The following IL34 variants were observed in gnomAD, a reference collection of about 807,000 sequenced individuals.
IL34 encodes the protein interleukin-34.
In IL34, 17 loss-of-function variants were observed where a neutral mutation model predicts 25.3. That is an observed-to-expected ratio of 0.67 (90% CI 0.46 to 1.01). IL34 has a LOEUF of 1.01. Among genes scored for constraint, IL34 ranks in the 50% least tolerant of loss-of-function variants. The pLI is 0.00. For synonymous variants in IL34, 174 were observed against 140.9 expected (o/e 1.23, Z -1.66); for missense variants, 368 against 312.9 (o/e 1.18, Z -1.33).
At chr16:70,582,971 T>C (rs1158569853) in intron 1 of IL34, among the ~76,000 whole-genome samples, 2 of 151,956 alleles carry the variant, frequency 1.3e-5, no homozygotes, top group Non-Finnish European at 2.9e-5. Context: ...GGAGAGATGT[T>C]TGGGAGACCT....
intron 1 of IL34, among the ~76,000 whole-genome samples, chr16:70,598,916 C>A (rs1325914225): frequency 6.6e-6 from 1 of 152,166 alleles, no homozygotes; most frequent in African/African-American, 2.4e-5. Context: ...GGTGCAAAAT[C>A]ACATCAGGCC....
At chr16:70,629,005 G>T (rs2051459434) in intron 1 of IL34, among the ~76,000 whole-genome samples, 1 of 152,068 alleles carries the variant, frequency 6.6e-6, no homozygotes, top group Non-Finnish European at 1.5e-5. Flanking sequence ...GCCCAGGCTG[G>T]TCTCAAACTC....
intron 1 of IL34, among the ~76,000 whole-genome samples, chr16:70,580,595 A>T (rs1037396973): frequency 6.6e-6 from 1 of 152,144 alleles, no homozygotes; most frequent in Non-Finnish European, 1.5e-5. Flanking sequence ...AGCCTGGCCA[A>T]CAAGATGAAA....
At chr16:70,638,341 T>C (rs1208245348) in intron 1 of IL34, among the ~76,000 whole-genome samples, 2 of 151,822 alleles carry the variant, frequency 1.3e-5, no homozygotes, top group Non-Finnish European at 1.5e-5. Context: ...TAGCTAGGCA[T>C]GGTGGTGCAC....
intron 1 of IL34, among the ~76,000 whole-genome samples, chr16:70,615,338 C>A (rs1431663103): frequency 6.6e-6 from 1 of 152,018 alleles, no homozygotes; most frequent in Non-Finnish European, 1.5e-5. Context: ...GAAACCCCGT[C>A]TCTACTAAAA....
chr16:70,656,679 G>A lies in IL34; in HGVS notation c.240G>A (p.Leu80=), dbSNP rs1369797779. The change falls in exon 3 of 6, where the codon CTG becomes CTA. Residue 80 remains leucine (L), a splice_region_variant and synonymous_variant. Coordinates refer to ENST00000288098, the MANE Select transcript of IL34 (RefSeq NM_001393494.1). ...GVFRIANVTR[L]QRAQVSEREL... The stretch of plus-strand genomic sequence containing the variant: ...TCAGAATCGCCAACGTCACCAGGCT[G>A]GTGAGAATCCCTTCCTGGGCTGGGG... 15 of 1,330,998 alleles carry A rather than the reference G, an allele frequency of 1.1e-5. No homozygotes were observed. Among genetic ancestry groups the A allele is most frequent in the Non-Finnish European group, 1.6e-5 (15 of 921,388 alleles). 82.4% of individuals were successfully genotyped at this position (1,330,998 alleles called of 1,614,324 possible).
chr16:70,614,559 C>T (rs1333636049), intron 1 of IL34, among the ~76,000 whole-genome samples: 1 of 152,158 alleles, frequency 6.6e-6, no homozygotes, highest in Non-Finnish European at 1.5e-5. Flanking sequence ...GAACACGGAA[C>T]CTGTTTTGTT....
At position 70,595,805 on chromosome 16, in the gene IL34, A is replaced by G. The variant is rs1485469881; in HGVS notation, c.-401+15756A>G. Among the ~76,000 whole-genome samples the G allele has an allele frequency of 3.3e-5, 5 of 152,006 alleles. 1 individual carries two copies. The East Asian group carries it at 9.7e-4, about 29-fold the overall frequency. Reference sequence around the variant, plus strand: ...GACAGATGGATTACTTGAGGTCAAGAGTTCGAGACCAGCTGGGCCAACATG... The same window carrying G: ...GACAGATGGATTACTTGAGGTCAAGGGTTCGAGACCAGCTGGGCCAACATG... On this transcript the variant is annotated intron_variant, in intron 1 of 6. Transcript: ENST00000429149.
At chr16:70,619,716 A>G (rs1202579717) in intron 1 of IL34, among the ~76,000 whole-genome samples, 2 of 152,332 alleles carry the variant, frequency 1.3e-5, no homozygotes, top group African/African-American at 4.8e-5. Flanking sequence ...GCGATCGGGC[A>G]GTGTCAGTCT....
rs1235548843 is a variant in IL34 at position 70,646,845 on chromosome 16, G to C, written c.-103G>C. ...AGGGCCAGCCCTTCCCTGACTGAGT[G>C]ACCACCTCTGCTGCCCCGAGGCCAT... On this transcript the variant is annotated 5_prime_UTR_variant, in exon 1 of 6. Coordinates refer to ENST00000288098, the MANE Select transcript of IL34 (RefSeq NM_001393494.1). 1.7e-6 allele frequency: 2 copies of C among 1,169,202 alleles called. No homozygotes were observed. Among genetic ancestry groups the C allele is most frequent in the Non-Finnish European group, 2.3e-6 (2 of 863,172 alleles). 72.4% of individuals were successfully genotyped at this position (1,169,202 alleles called of 1,614,324 possible). A position where few individuals can be genotyped will look rare whatever the true frequency, so the allele number is the denominator to read the frequency against.
At chr16:70,596,815 T>C (rs2050830032) in intron 1 of IL34, among the ~76,000 whole-genome samples, 1 of 152,158 alleles carries the variant, frequency 6.6e-6, no homozygotes, top group South Asian at 2.1e-4. Flanking sequence ...GGTCTCAAAC[T>C]TCTGGTCTCA....
At chr16:70,650,632 T>C (rs2052055596) in intron 1 of IL34, among the ~76,000 whole-genome samples, 1 of 152,198 alleles carries the variant, frequency 6.6e-6, no homozygotes, top group Non-Finnish European at 1.5e-5. Flanking sequence ...TGAATTGTTG[T>C]GTGAAATCCT....
chr16:70,606,606 G>T (rs1324688439), intron 1 of IL34, among the ~76,000 whole-genome samples: 1 of 150,254 alleles, frequency 6.7e-6, no homozygotes, highest in Non-Finnish European at 1.5e-5. Context: ...TTTTTTTTTT[G>T]AGACAAGATC....
intron 1 of IL34, among the ~76,000 whole-genome samples, chr16:70,610,997 A>G (rs1212910884): frequency 6.6e-6 from 1 of 151,284 alleles, no homozygotes; most frequent in African/African-American, 2.4e-5. Context: ...TGTTTGAGAC[A>G]GGGTCTTGCT....
At chr16:70,644,177 G>T (rs1019832520), upstream of IL34, among the ~76,000 whole-genome samples, 7 of 152,130 alleles carry the variant, frequency 4.6e-5, no homozygotes, top group Non-Finnish European at 7.4e-5. Context: ...GTTTCACCAT[G>T]TTGGCCAGGC....
intron 1 of IL34, among the ~76,000 whole-genome samples, chr16:70,583,586 A>G (rs2050659055): frequency 6.6e-6 from 1 of 152,066 alleles, no homozygotes; most frequent in Admixed American, 6.6e-5. Flanking sequence ...GGCCTGGGTC[A>G]GGGAAGCCTG....
At chr16:70,652,343 C>T (rs2052101715) in intron 1 of IL34, among the ~76,000 whole-genome samples, 1 of 151,188 alleles carries the variant, frequency 6.6e-6, no homozygotes, top group Non-Finnish European at 1.5e-5. Context: ...CCTGTAGTAC[C>T]AGTTACTGGG....
chr16:70,637,188 T>C (rs1187352984), intron 1 of IL34, among the ~76,000 whole-genome samples: 1 of 151,776 alleles, frequency 6.6e-6, no homozygotes, highest in Non-Finnish European at 1.5e-5. Flanking sequence ...ATTTTTTCAG[T>C]TTATTTTTTC....
intron 4 of IL34, among the ~76,000 whole-genome samples, chr16:70,659,169 C>CT (rs2052312731): frequency 6.6e-6 from 1 of 152,184 alleles, no homozygotes; most frequent in South Asian, 2.1e-4. Context: ...AGCACCCCAG[C>CT]TTGAAGCTGG....
Sources: gnomAD v4.1 joint callset for allele counts (sites outside exome capture counted in the v4.1 genomes callset) on GRCh38, gnomAD v4.1.1 for gene constraint, MANE v1.5 for transcripts, NCBI Gene and HGNC (gene_info 2026-07-23, HGNC 2026-07-21) for gene names.